Variants in ARSJ observed in about 807,000 individuals in gnomAD.
ARSJ encodes arylsulfatase family member J.
In ARSJ, 26 loss-of-function variants were observed where a neutral mutation model predicts 35.9. The ratio of observed to expected loss-of-function variants is 0.72; its 90% CI spans 0.53 to 1.00. The LOEUF (loss-of-function observed/expected upper bound fraction) is 1.00. Among genes scored for constraint, ARSJ ranks in the 50% least tolerant of loss-of-function variants. The pLI is 0.00. For missense variants in ARSJ, 667 were observed against 723.6 expected, an observed-to-expected ratio of 0.92 and a Z score of 0.90; for synonymous variants, 294 against 267.6, an observed-to-expected ratio of 1.10 and a Z score of -0.96.
intron 1 of ARSJ, among the ~76,000 whole-genome samples, chr4:113,964,980 A>T (rs1279039949): frequency 1.3e-5 from 2 of 152,158 alleles, no homozygotes; most frequent in Non-Finnish European, 2.9e-5. Context: ...TTCACAGTCA[A>T]ATTTAAACAA....
intron 1 of ARSJ, among the ~76,000 whole-genome samples, chr4:113,963,605 T>G (rs999234396): frequency 6.6e-6 from 1 of 152,050 alleles, no homozygotes; most frequent in Non-Finnish European, 1.5e-5. Context: ...AGATGAGATT[T>G]GGGTAGGAAC....
chr4:113,937,047 G>T (rs1724808401), intron 1 of ARSJ, among the ~76,000 whole-genome samples: 1 of 151,678 alleles, frequency 6.6e-6, no homozygotes, highest in Admixed American at 6.6e-5. Context: ...AAAAGTATAG[G>T]CCATTATTTA....
chr4:113,935,700 C>T (rs933916618), intron 1 of ARSJ, among the ~76,000 whole-genome samples: 10 of 151,826 alleles, frequency 6.6e-5, no homozygotes, highest in Non-Finnish European at 5.9e-5. Context: ...TGTATGTCCA[C>T]GGAACAGGCT....
At chr4:113,925,220 C>T (rs761806563) in intron 1 of ARSJ, among the ~76,000 whole-genome samples, 11 of 152,084 alleles carry the variant, frequency 7.2e-5, no homozygotes, top group Non-Finnish European at 1.6e-4. Flanking sequence ...GCAATCTTAG[C>T]TTCCAGTTTA....
intron 1 of ARSJ, among the ~76,000 whole-genome samples, chr4:113,973,054 T>C (rs894473728): frequency 6.6e-6 from 1 of 152,200 alleles, no homozygotes; most frequent in Admixed American, 6.5e-5. Flanking sequence ...TCACAGATGA[T>C]CCCAGCACTG....
intron 1 of ARSJ, among the ~76,000 whole-genome samples, chr4:113,917,388 C>T (rs1723377512): frequency 6.6e-6 from 1 of 152,004 alleles, no homozygotes; most frequent in Non-Finnish European, 1.5e-5. Flanking sequence ...TGTCTCTTTA[C>T]CAAGATACAA....
chr4:113,935,414 T>C (rs781043247), intron 1 of ARSJ, among the ~76,000 whole-genome samples: 28 of 151,932 alleles, frequency 1.8e-4, no homozygotes, highest in South Asian at 4.1e-4. Context: ...TGTCAAGATA[T>C]ATAAAAAGGA....
rs1374598969 is a variant in ARSJ, at chr4:113,902,755, A to G, written c.1319T>C (p.Ile440Thr). 1 of 1,614,154 alleles carries G rather than the reference A, an allele frequency of 6.2e-7. No individual in the cohort carries two copies. Among genetic ancestry groups the G allele is most frequent in the Non-Finnish European group, 8.5e-7 (1 of 1,180,020 alleles). ...GGCTGACTGGATTGCAGTGTTCCAGATCCCATAGCCTGCTGCCCAGGAGCC... is the reference window on the plus strand; with the variant it reads ...GGCTGACTGGATTGCAGTGTTCCAGGTCCCATAGCCTGCTGCCCAGGAGCC... ...KNGSWAAGYG[I>T]WNTAIQSAIR... is the part of the protein sequence containing the mutation. The change falls in exon 2 of 2, where the codon ATC (isoleucine) becomes ACC (threonine). Residue 440 changes from isoleucine to threonine, a missense_variant. Transcript: ENST00000315366.
chr4:113,974,066 T>C (rs1026466805), intron 1 of ARSJ, among the ~76,000 whole-genome samples: 3 of 152,110 alleles, frequency 2.0e-5, no homozygotes, highest in African/African-American at 7.2e-5. Context: ...TAATAAACAG[T>C]GTGGGTCAAA....
intron 1 of ARSJ, among the ~76,000 whole-genome samples, chr4:113,935,060 G>A (rs1394145387): frequency 6.6e-6 from 1 of 151,614 alleles, no homozygotes; most frequent in African/African-American, 2.4e-5. Flanking sequence ...CCCTAAAATG[G>A]GAATTAGCAA....
chr4:113,939,950 C>T (rs902493144), intron 1 of ARSJ, among the ~76,000 whole-genome samples: 1 of 152,010 alleles, frequency 6.6e-6, no homozygotes, highest in Non-Finnish European at 1.5e-5. Flanking sequence ...TCAATTTTGG[C>T]TTTTGTTGCA....
intron 1 of ARSJ, among the ~76,000 whole-genome samples, chr4:113,914,187 TG>T (rs1562338127): frequency 6.6e-6 from 1 of 152,114 alleles, no homozygotes; most frequent in Non-Finnish European, 1.5e-5. Flanking sequence ...TTGGCCAGGC[TG>T]GTCTCGAACT....
At chr4:113,943,358 A>G (rs1725277116) in intron 1 of ARSJ, 1 of 152,058 alleles carries the variant, frequency 6.6e-6, no homozygotes, top group South Asian at 2.1e-4. Context: ...CCTGAGTACC[A>G]TTCTGTGATG....
At chr4:113,931,514 A>G (rs898887359) in intron 1 of ARSJ, among the ~76,000 whole-genome samples, 4 of 152,118 alleles carry the variant, frequency 2.6e-5, no homozygotes, top group Non-Finnish European at 4.4e-5. Context: ...CCCATACTCC[A>G]TGCCTCATTT....
In ARSJ at chr4:113,903,689, A is replaced by T. The variant is rs1181241973; in HGVS notation, c.399-14T>A. 1 of 1,582,250 alleles carries T rather than the reference A, an allele frequency of 6.3e-7. No homozygotes were observed. The highest frequency in any genetic ancestry group is 1.4e-5 in the African/African-American group (1 of 73,556). On this transcript the variant is annotated splice_polypyrimidine_tract_variant and intron_variant, in intron 1 of 1. Coordinates refer to ENST00000315366, the MANE Select transcript of ARSJ (RefSeq NM_024590.4). ...TGTATCTGATACCTTAAGAAAAGAG[A>T]AAAAAATTGTTATCAGGGCAGGATA... is the stretch of plus-strand genomic sequence containing the variant.
chr4:113,952,953 C>T (rs1594482858), intron 1 of ARSJ, among the ~76,000 whole-genome samples: 1 of 151,978 alleles, frequency 6.6e-6, no homozygotes, highest in Non-Finnish European at 1.5e-5. Flanking sequence ...AAGCTAAGAT[C>T]AAAATTATAT....
At chr4:113,931,673 C>A (rs1019968561) in intron 1 of ARSJ, among the ~76,000 whole-genome samples, 1 of 152,050 alleles carries the variant, frequency 6.6e-6, no homozygotes, top group Middle Eastern at 3.4e-3. Flanking sequence ...GCAGGCAGGA[C>A]CTCATGTCAA....
At chr4:113,976,365 G>C (rs1727594135) in intron 1 of ARSJ, among the ~76,000 whole-genome samples, 1 of 151,980 alleles carries the variant, frequency 6.6e-6, no homozygotes, top group South Asian at 2.1e-4. Flanking sequence ...TGTGTTCATA[G>C]AGAGAACAAA....
At chr4:113,912,059 A>G (rs1363919280) in intron 1 of ARSJ, among the ~76,000 whole-genome samples, 2 of 152,252 alleles carry the variant, frequency 1.3e-5, no homozygotes, top group Non-Finnish European at 2.9e-5. Flanking sequence ...AGTGGAATGC[A>G]ATGTTACCAT....
Sources: allele counts gnomAD v4.1 joint callset (sites outside exome capture counted in the v4.1 genomes callset), GRCh38; gene constraint gnomAD v4.1.1; transcripts MANE v1.5; gene names NCBI Gene and HGNC (gene_info 2026-07-23, HGNC 2026-07-21).